PHLPP1: variants seen among roughly 807,000 people sequenced by gnomAD.
PHLPP1 encodes the protein PH domain leucine-rich repeat-containing protein phosphatase 1.
PHLPP1 carries 42 observed loss-of-function variants against 117.2 expected under a neutral mutation model. The ratio of observed to expected loss-of-function variants is 0.36; its 90% CI spans 0.28 to 0.46. The LOEUF (loss-of-function observed/expected upper bound fraction) is 0.46. Among genes scored for constraint, PHLPP1 ranks in the 20% least tolerant of loss-of-function variants. The pLI is 1.00. For synonymous variants in PHLPP1, 1,042 were observed against 970.7 expected (o/e 1.07, Z -1.37); for missense variants, 2,084 against 2,241.9 (o/e 0.93, Z 1.42).
chr18:62,880,203 AG>A (rs767649729), intron 4 of PHLPP1, among the ~76,000 whole-genome samples: 1 of 151,246 alleles, frequency 6.6e-6, no homozygotes, highest in Non-Finnish European at 1.5e-5. Context: ...TTTGGGTGTT[AG>A]GGTTTTTTTT....
At chr18:62,902,933 A>G (rs1916759840) in intron 6 of PHLPP1, 31 bp from the exon 7 acceptor site, 1 of 1,415,406 alleles carries the variant, frequency 7.1e-7, no homozygotes, top group Admixed American at 1.7e-5. Flanking sequence ...CATTGCAGTT[A>G]ATTATAGTCT....
intron 1 of PHLPP1, among the ~76,000 whole-genome samples, chr18:62,727,606 A>T (rs1599015308): frequency 7.1e-6 from 1 of 140,850 alleles, no homozygotes; most frequent in Non-Finnish European, 1.5e-5. Context: ...ACAGAGCGAG[A>T]CCCTGTCTCA....
chr18:62,975,479 T>A lies in PHLPP1; in HGVS notation c.3838T>A (p.Ser1280Thr), dbSNP rs372627474. The A allele has an allele frequency of 1.2e-6, 2 of 1,613,762 alleles. No individual in the cohort carries two copies. Among genetic ancestry groups the A allele is most frequent in the African/African-American group, 2.7e-5 (2 of 74,918 alleles). Reference sequence around the variant, plus strand: ...GCATGACCCTGTGGATCCAGGAGGATCCTTCACCTTGACCTCTGCTAATGT... The same window carrying A: ...GCATGACCCTGTGGATCCAGGAGGAACCTTCACCTTGACCTCTGCTAATGT... Reference protein sequence around the residue: ...IKHDPVDPGGSFTLTSANVGK... With the variant: ...IKHDPVDPGGTFTLTSANVGK... The change falls in exon 16 of 17, where the codon TCC becomes ACC. Residue 1280 changes from serine to threonine, a missense_variant. By Grantham distance (58) the Ser-to-Thr change is moderately conservative. This residue lies in a region of PHLPP1 where 1,365 missense variants were observed against 1,605.9 expected (regional missense o/e 0.85). Transcript: ENST00000262719.
At chr18:62,934,634 T>C (rs1909916040) in intron 10 of PHLPP1, among the ~76,000 whole-genome samples, 2 of 152,178 alleles carry the variant, frequency 1.3e-5, no homozygotes, top group African/African-American at 4.8e-5. Flanking sequence ...CCCAAATATT[T>C]GGGTGATGCC....
chr18:62,952,397 A>G (rs1160571092), intron 12 of PHLPP1, among the ~76,000 whole-genome samples: 1 of 152,234 alleles, frequency 6.6e-6, no homozygotes, highest in Non-Finnish European at 1.5e-5. Flanking sequence ...CAGAATGCTA[A>G]GGATTGTTAC....
At chr18:62,823,914 C>CTGAGG (rs1914536582) in intron 1 of PHLPP1, among the ~76,000 whole-genome samples, 1 of 152,010 alleles carries the variant, frequency 6.6e-6, no homozygotes, top group South Asian at 2.1e-4. Flanking sequence ...GGTGGACCAT[C>CTGAGG]TGAGGTGGGC....
intron 1 of PHLPP1, among the ~76,000 whole-genome samples, chr18:62,822,676 G>A (rs1914502320): frequency 1.3e-5 from 2 of 152,184 alleles, no homozygotes; most frequent in South Asian, 4.1e-4. Flanking sequence ...TTCTGTTCAA[G>A]GTTGTAGCAG....
At chr18:62,874,606 A>G (rs998386098) in intron 4 of PHLPP1, among the ~76,000 whole-genome samples, 1 of 152,144 alleles carries the variant, frequency 6.6e-6, no homozygotes, top group Non-Finnish European at 1.5e-5. Context: ...GCCAGACAGG[A>G]ACCAGCCCTG....
chr18:62,846,664 A>G (rs1915190471), intron 3 of PHLPP1, among the ~76,000 whole-genome samples: 2 of 152,290 alleles, frequency 1.3e-5, no homozygotes, highest in African/African-American at 4.8e-5. Flanking sequence ...ACTTTCCAAT[A>G]TAGTAATGGA....
chr18:62,963,718 T>C (rs1410194826), intron 14 of PHLPP1, among the ~76,000 whole-genome samples: 2 of 152,216 alleles, frequency 1.3e-5, no homozygotes, highest in Non-Finnish European at 2.9e-5. Context: ...ACTGACACAT[T>C]ATATCTATGT....
intron 1 of PHLPP1, among the ~76,000 whole-genome samples, chr18:62,827,782 G>A (rs1393533090): frequency 2.6e-5 from 4 of 152,214 alleles, no homozygotes; most frequent in Non-Finnish European, 5.9e-5. Flanking sequence ...ATACTCTTCT[G>A]TTAAAGATCC....
rs781699942 is a variant in PHLPP1, at chr18:62,958,680, C to T, written c.3376C>T (p.Leu1126=). The change falls in exon 13 of 17, where the codon CTG becomes TTG. Residue 1126 remains leucine (L), a synonymous_variant. Coordinates refer to ENST00000262719, the MANE Select transcript of PHLPP1 (RefSeq NM_194449.4). Reference sequence around the variant, plus strand: ...AAGTGAAGTCACATTACCAGAAAACCTGCCTCCCAAACTGCAGGAGCTAGA... The same window carrying T: ...AAGTGAAGTCACATTACCAGAAAACTTGCCTCCCAAACTGCAGGAGCTAGA... The part of the protein sequence containing the change: ...ELSEVTLPEN[L]PPKLQELDLT... 2 of 1,613,964 alleles carry T rather than the reference C, an allele frequency of 1.2e-6. No individual in the cohort carries two copies. The highest frequency in any genetic ancestry group is 4.5e-5 in the East Asian group (2 of 44,882).
chr18:62,902,931 T>G (rs1311686408), intron 6 of PHLPP1, 33 bp from the exon 7 acceptor site: 2 of 1,389,098 alleles, frequency 1.4e-6, no homozygotes, highest in African/African-American at 2.8e-5. Flanking sequence ...AGCATTGCAG[T>G]TAATTATAGT....
chr18:62,830,882 G>T (rs977674255), intron 2 of PHLPP1, among the ~76,000 whole-genome samples: 5 of 152,012 alleles, frequency 3.3e-5, no homozygotes, highest in Non-Finnish European at 7.4e-5. Flanking sequence ...CCTTAATTTC[G>T]TGAATTTAGA....
At chr18:62,920,896 C>T (rs1454915830) in intron 10 of PHLPP1, among the ~76,000 whole-genome samples, 1 of 152,120 alleles carries the variant, frequency 6.6e-6, no homozygotes, top group African/African-American at 2.4e-5. Context: ...TTATCTTTAT[C>T]ATAATTAATT....
chr18:62,914,884 A>G, intron 8 of PHLPP1, 29 bp from the exon 9 acceptor site: 1 of 1,524,546 alleles, frequency 6.6e-7, no homozygotes, highest in Non-Finnish European at 9.1e-7. Flanking sequence ...GACAAATTCA[A>G]CCAATTACTT....
intron 1 of PHLPP1, among the ~76,000 whole-genome samples, chr18:62,721,271 A>G (rs985390720): frequency 2.0e-5 from 3 of 152,180 alleles, no homozygotes; most frequent in Non-Finnish European, 2.9e-5. Flanking sequence ...CCTGGTTGCA[A>G]ATAGTCATGC....
In PHLPP1 at chr18:62,715,669, C is replaced by G. The variant is rs1910694863; in HGVS notation, c.-15C>G. The G allele has an allele frequency of 2.4e-6, 3 of 1,275,620 alleles. No homozygotes were observed. Among genetic ancestry groups the G allele is most frequent in the Admixed American group, 7.6e-5 (2 of 26,424 alleles). The allele number at this position is 1,275,620 out of a possible 1,614,324, so 79.0% of individuals were successfully genotyped here. A position where few individuals can be genotyped will look rare whatever the true frequency, so the allele number is the denominator to read the frequency against. ...TGCCTCCGGAGCTGGGGGGGAAACG[C>G]GAAGCCCCACTGCAATGGAGCCCGC... On this transcript the variant is annotated 5_prime_UTR_variant, in exon 1 of 17. Transcript: ENST00000262719.
In PHLPP1 at chr18:62,716,582, C is replaced by T. The variant is rs1211925654; in HGVS notation, c.899C>T (p.Ala300Val). Residue 300 changes from alanine (A) to valine (V), a missense_variant, in exon 1 of 17, where the codon GCC (alanine) becomes GTC (valine). This residue lies in a region of PHLPP1 where 719 missense variants were observed against 636.0 expected (regional missense o/e 1.13). Transcript: ENST00000262719. The surrounding 1 kb of genome is among the most constrained non-coding windows in gnomAD (Gnocchi z 5.7). ...AFGGPPRAPPADLPLPVGGPG... is the reference protein window; with the variant it reads ...AFGGPPRAPPVDLPLPVGGPG... ...GGGGGGCCTCCGCGCGCGCCCCCCGCCGACCTACCCCTGCCCGTCGGCGGC... is the reference window on the plus strand; with the variant it reads ...GGGGGGCCTCCGCGCGCGCCCCCCGTCGACCTACCCCTGCCCGTCGGCGGC... 8.2e-7 allele frequency: 1 copy of T among 1,217,772 alleles called. No homozygotes were observed. Among genetic ancestry groups the T allele is most frequent in the Non-Finnish European group, 1.0e-6 (1 of 979,280 alleles). 75.4% of individuals were successfully genotyped at this position (1,217,772 alleles called of 1,614,324 possible).
Sources: gnomAD v4.1 joint callset for allele counts (sites outside exome capture counted in the v4.1 genomes callset) on GRCh38, gnomAD v4.1.1 for gene constraint, gnomAD v4.1.1 regional missense constraint, Gnocchi (gnomAD v3.1) non-coding constraint, MANE v1.5 for transcripts, NCBI Gene and HGNC (gene_info 2026-07-23, HGNC 2026-07-21) for gene names.